SLCO1B3: variants seen among roughly 807,000 people sequenced by gnomAD.
SLCO1B3 encodes liver-specific organic anion transporter 2.
A neutral mutation model predicts 71.8 loss-of-function variants in SLCO1B3; 72 were observed. The observed-to-expected ratio is 1.00, with a 90% CI of 0.83 to 1.22. The LOEUF is 1.22. Among genes scored for constraint, SLCO1B3 ranks in the 50% most tolerant of loss-of-function variants. SLCO1B3 has a pLI of 0.00. For synonymous variants in SLCO1B3, 298 were observed against 278.4 expected, an observed-to-expected ratio of 1.07 and a Z score of -0.70; for missense variants, 911 against 819.7, an observed-to-expected ratio of 1.11 and a Z score of -1.36.
At chr12:20,883,702 T>C in intron 13 of SLCO1B3, 100 bp downstream of exon 13, 3 of 763,488 alleles carry the variant, frequency 3.9e-6, no homozygotes, top group Non-Finnish European at 6.2e-6. Context: ...TCATATTTTG[T>C]CAATTTTTAA....
intron 15 of SLCO1B3, among the ~76,000 whole-genome samples, chr12:20,909,765 C>G (rs1866337182): frequency 6.6e-6 from 1 of 152,096 alleles, no homozygotes; most frequent in African/African-American, 2.4e-5. Flanking sequence ...AACAGGAGTG[C>G]AGTGGCACCT....
chr12:20,901,489 T>G (rs1328287618), intron 15 of SLCO1B3, 22 bp downstream of exon 15: 1 of 1,238,610 alleles, frequency 8.1e-7, no homozygotes, highest in African/African-American at 1.5e-5. Context: ...TAAACACATT[T>G]CATTAATAGA....
intron 8 of SLCO1B3, among the ~76,000 whole-genome samples, chr12:20,866,546 C>G (rs1452085377): frequency 6.6e-6 from 1 of 151,990 alleles, no homozygotes; most frequent in Admixed American, 6.6e-5. Context: ...GAACTTCATG[C>G]CACTAATGCA....
intron 3 of SLCO1B3, among the ~76,000 whole-genome samples, chr12:20,832,726 G>T (rs923443990): frequency 2.0e-5 from 3 of 152,004 alleles, no homozygotes; most frequent in East Asian, 1.9e-4. Context: ...CTTCTAAAAC[G>T]TTCTTCTTCC....
At chr12:20,885,677 T>C (rs1591781174) in intron 13 of SLCO1B3, among the ~76,000 whole-genome samples, 1 of 151,708 alleles carries the variant, frequency 6.6e-6, no homozygotes, top group South Asian at 2.1e-4. Context: ...CTAGGCAAGG[T>C]AGAGCAAAGA....
chr12:20,815,038 A>T (rs998272409), intron 2 of SLCO1B3, among the ~76,000 whole-genome samples: 1 of 150,010 alleles, frequency 6.7e-6, no homozygotes, highest in Non-Finnish European at 1.5e-5. Flanking sequence ...TTGAAAAATA[A>T]GTGGATAAAC....
chr12:20,911,443 A>C (rs1866373561), intron 15 of SLCO1B3, among the ~76,000 whole-genome samples: 1 of 152,146 alleles, frequency 6.6e-6, no homozygotes, highest in South Asian at 2.1e-4. Context: ...TATTAGGATA[A>C]TGCTGACCTC....
At chr12:20,884,164 G>A (rs1393300786) in intron 13 of SLCO1B3, among the ~76,000 whole-genome samples, 13 of 152,012 alleles carry the variant, frequency 8.6e-5, no homozygotes, top group Non-Finnish European at 1.0e-4. Context: ...TATGATGTTC[G>A]ATGAAGAATA....
At chr12:20,887,935 G>A (rs1265900938) in intron 13 of SLCO1B3, among the ~76,000 whole-genome samples, 1 of 151,588 alleles carries the variant, frequency 6.6e-6, no homozygotes, top group Non-Finnish European at 1.5e-5. Flanking sequence ...TTTTATGTCT[G>A]TGTATATGGC....
In SLCO1B3 at chr12:20,892,269, C is replaced by T. The variant is rs371371962; in HGVS notation, c.1683-6167C>T. 2.0e-5 allele frequency among the ~76,000 whole-genome samples: 3 copies of T among 152,024 alleles called. No homozygotes were observed. The South Asian group carries it at 6.2e-4, about 31-fold the overall frequency. ...ATAATGTGTGTTATGTAGGATCTAA[C>T]AGGCTATATTGAAGAGGATAGAGAG... is the stretch of plus-strand genomic sequence containing the variant. On this transcript the variant is annotated intron_variant, in intron 13 of 15. Coordinates refer to ENST00000381545, the MANE Select transcript of SLCO1B3 (RefSeq NM_019844.4).
chr12:20,848,764 T>G (rs539342206), intron 3 of SLCO1B3, among the ~76,000 whole-genome samples: 1 of 152,216 alleles, frequency 6.6e-6, no homozygotes, highest in South Asian at 2.1e-4. Flanking sequence ...ATTTCAAATA[T>G]ATGAGATTCT....
chr12:20,876,281 G>A (rs1458813221), intron 9 of SLCO1B3, among the ~76,000 whole-genome samples: 3 of 152,054 alleles, frequency 2.0e-5, no homozygotes, highest in African/African-American at 4.8e-5. Flanking sequence ...TCAAGAGAAT[G>A]ATCTGGCAGC....
intron 1 of SLCO1B3, among the ~76,000 whole-genome samples, chr12:20,811,731 C>T (rs995268517): frequency 7.9e-5 from 12 of 152,028 alleles, no homozygotes; most frequent in Admixed American, 1.3e-4. Flanking sequence ...ATATTGTGTC[C>T]TCAACATTTA....
Position 20,841,026 on chromosome 12 carries a change from T to C in SLCO1B3, c.85-14002T>C, listed in dbSNP as rs148914555. Among the ~76,000 whole-genome samples, 403 of 152,300 alleles carry C rather than the reference T, an allele frequency of 2.6e-3. 1 individual carries two copies. Among genetic ancestry groups the C allele is most frequent in the Non-Finnish European group, 4.1e-3 (280 of 68,020 alleles). ...GTCCTTGAATTGGTCCCCCTGGAGTTATTAGCCCTCAGACTTGTCCAACCT... is the reference window on the plus strand; with the variant it reads ...GTCCTTGAATTGGTCCCCCTGGAGTCATTAGCCCTCAGACTTGTCCAACCT... On this transcript the variant is annotated intron_variant, in intron 3 of 15. Coordinates refer to ENST00000381545, the MANE Select transcript of SLCO1B3 (RefSeq NM_019844.4).
chr12:20,901,284 C>T lies in SLCO1B3; in HGVS notation c.1748-66C>T, dbSNP rs374653849. The T allele has an allele frequency of 1.4e-3, 1,375 of 998,782 alleles. 28 individuals are homozygous for T. In the South Asian group the frequency reaches 0.021, roughly 15 times the overall value. The allele number at this position is 998,782 out of a possible 1,614,324, so 61.9% of individuals were successfully genotyped here. ...GTATTAATCCAAAATGTATCAATAT[C>T]GACTATCGCTCAGTTACATTTGAAG... On this transcript the variant is annotated intron_variant, in intron 14 of 15. Transcript: ENST00000381545.
At chr12:20,893,361 A>G (rs1416464020) in intron 13 of SLCO1B3, among the ~76,000 whole-genome samples, 1 of 152,212 alleles carries the variant, frequency 6.6e-6, no homozygotes, top group African/African-American at 2.4e-5. Flanking sequence ...TTTGGAATGA[A>G]AATTGTCAAG....
chr12:20,858,192 T>C (rs1367684793), intron 4 of SLCO1B3, among the ~76,000 whole-genome samples: 1 of 152,130 alleles, frequency 6.6e-6, no homozygotes, highest in Non-Finnish European at 1.5e-5. Flanking sequence ...AAAAAAACTT[T>C]GCTTCTCTCA....
intron 8 of SLCO1B3, among the ~76,000 whole-genome samples, chr12:20,873,345 G>GTTT (rs1865513005): frequency 1.6e-5 from 2 of 128,952 alleles, no homozygotes; most frequent in Admixed American, 1.7e-4. Context: ...CTGAGATGTT[G>GTTT]TTGTTGTTTT....
chr12:20,880,819 C>A, intron 11 of SLCO1B3, 36 bp from the exon 12 acceptor site: 2 of 1,450,912 alleles, frequency 1.4e-6, no homozygotes, highest in Non-Finnish European at 1.9e-6. Context: ...CTTCCTCTTT[C>A]TCTTTTTTTG....
Sources: gnomAD v4.1 joint callset for allele counts (sites outside exome capture counted in the v4.1 genomes callset) on GRCh38, gnomAD v4.1.1 for gene constraint, MANE v1.5 for transcripts, NCBI Gene and HGNC (gene_info 2026-07-23, HGNC 2026-07-21) for gene names.